The following SELENOP variants were observed in gnomAD, a reference collection of about 807,000 sequenced individuals.
The protein encoded by SELENOP is selenoprotein P, also known as selenoprotein P, plasma, 1.
SELENOP carries 36 observed loss-of-function variants against 41.0 expected under a neutral mutation model. The ratio of observed to expected loss-of-function variants is 0.88; its 90% confidence interval spans 0.67 to 1.16. The LOEUF is 1.16. Ranked by LOEUF, SELENOP falls within the 50% of genes most tolerant of loss-of-function variation. The probability of loss-of-function intolerance (pLI) is 0.00; values close to 1 mark genes in which losing one functional copy is unlikely to be tolerated. For synonymous variants in SELENOP, 144 were observed against 150.8 expected, an observed-to-expected ratio of 0.95 and a Z score of 0.33; for missense variants, 440 against 454.2, an observed-to-expected ratio of 0.97 and a Z score of 0.28.
intron 4 of SELENOP, among the ~76,000 whole-genome samples, chr5:42,802,520 A>G (rs1032454036): frequency 6.6e-6 from 1 of 152,240 alleles, no homozygotes; most frequent in African/African-American, 2.4e-5. Context: ...CTTATAAAGA[A>G]TTTGATACAT....
At chr5:42,810,217 G>A (rs1018177214) in intron 1 of SELENOP, among the ~76,000 whole-genome samples, 7 of 152,162 alleles carry the variant, frequency 4.6e-5, no homozygotes, top group Non-Finnish European at 1.0e-4. Context: ...CTTAGCTACT[G>A]CAATATATTG....
rs749874692 is a variant in SELENOP, at chr5:42,808,263, G to T, written c.91C>A (p.Pro31Thr). The T allele has an allele frequency of 3.2e-6, 5 of 1,570,680 alleles. No individual in the cohort carries two copies. Among genetic ancestry groups the T allele is most frequent in the East Asian group, 2.4e-5 (1 of 41,730 alleles). Residue 31 changes from proline (P) to threonine (T), a missense_variant, in exon 2 of 5, where the codon CCC becomes ACC. Transcript: ENST00000514985. ...TGATCTCTTATGCTCCAGGCTGGGGGTTGCTTACATAAGGAGCTTTGGTCC... is the reference window on the plus strand; with the variant it reads ...TGATCTCTTATGCTCCAGGCTGGGGTTTGCTTACATAAGGAGCTTTGGTCC... ...SQDQSSLCKQ[P>T]PAWSIRDQDP...
chr5:42,801,085 G>T lies in SELENOP; in HGVS notation c.781C>A (p.Arg261=), dbSNP rs756131447. 3.0e-5 allele frequency: 49 copies of T among 1,613,962 alleles called. No individual in the cohort carries two copies. The Admixed American group carries it at 7.8e-4, about 26-fold the overall frequency. ...AAATCTTCACTTGCTGGCATATCTC[G>T]GTTCTCTGGGTGACCCTGCCTATGC... ...GQHRQGHPEN[R]DMPASEDLQD... Residue 261 remains arginine, a synonymous_variant, in exon 5 of 5, where the codon CGA becomes AGA. Coordinates refer to ENST00000514985, the MANE Select transcript of SELENOP (RefSeq NM_005410.4).
chr5:42,808,238 T>C lies in SELENOP; in HGVS notation c.116A>G (p.Gln39Arg). The change falls in exon 2 of 5, where the codon CAA becomes CGA. Residue 39 changes from glutamine to arginine, a missense_variant. By Grantham distance (43) the Gln-to-Arg change is conservative. Coordinates refer to ENST00000514985, the MANE Select transcript of SELENOP (RefSeq NM_005410.4). ...ACCATTGGAGTTTAGCATTGGATCT[T>C]GATCTCTTATGCTCCAGGCTGGGGG... is the stretch of plus-strand genomic sequence containing the variant. ...KQPPAWSIRD[Q>R]DPMLNSNGSV... The C allele has an allele frequency of 6.3e-7, 1 of 1,580,690 alleles. No individual in the cohort carries two copies.
intron 4 of SELENOP, 64 bp downstream of exon 4, chr5:42,804,592 G>T (rs755935184): frequency 1.1e-6 from 1 of 898,360 alleles, no homozygotes; most frequent in Non-Finnish European, 1.7e-6. Context: ...CTAAATAAGT[G>T]TTTCATGATA....
chr5:42,801,554 A>C, intron 4 of SELENOP: 1 of 465,622 alleles, frequency 2.1e-6, no homozygotes, highest in Non-Finnish European at 3.7e-6. Flanking sequence ...TATTTGCAGA[A>C]GCAAATGAAG....
intron 2 of SELENOP, 62 bp downstream of exon 2, chr5:42,808,089 G>T: frequency 1.3e-6 from 1 of 765,252 alleles, no homozygotes; most frequent in South Asian, 3.1e-5. Context: ...ATGTCTATAT[G>T]CGTGTGTGTA....
chr5:42,807,628 C>T (rs1438003297), intron 2 of SELENOP: 3 of 154,990 alleles, frequency 1.9e-5, no homozygotes, highest in Non-Finnish European at 4.4e-5. Flanking sequence ...GATTTGAGCT[C>T]CATGGATTTT....
chr5:42,800,785 T>C lies in SELENOP; in HGVS notation c.1081A>G (p.Thr361Ala), dbSNP rs760986023. The change falls in exon 5 of 5, where the codon ACA becomes GCA. Residue 361 changes from threonine (T) to alanine (A), a missense_variant. Physicochemically the swap from Thr to Ala is moderately conservative, Grantham distance 58 (BLOSUM62 0). Transcript: ENST00000514985. ...CAGCGTCAACTGGCACTGGCTTCTGTGGGTATAAGCTGCTGACTTATTTGT... is the reference window on the plus strand; with the variant it reads ...CAGCGTCAACTGGCACTGGCTTCTGCGGGTATAAGCTGCTGACTTATTTGT... The part of the protein sequence containing the change: ...AUQISQQLIP[T>A]EASASURUKN... The C allele has an allele frequency of 5.1e-5, 82 of 1,613,822 alleles. No individual in the cohort carries two copies. The highest frequency in any genetic ancestry group is 6.9e-5 in the Non-Finnish European group (82 of 1,179,856).
chr5:42,811,644 C>T (rs545651094), intron 1 of SELENOP, among the ~76,000 whole-genome samples, 192 bp downstream of exon 1: 1 of 152,300 alleles, frequency 6.6e-6, no homozygotes, highest in South Asian at 2.1e-4. Flanking sequence ...GACAAATGTG[C>T]GCACTGGGAA....
intron 1 of SELENOP, among the ~76,000 whole-genome samples, chr5:42,808,754 CAA>C (rs771818679): frequency 1.6e-4 from 18 of 115,130 alleles, no homozygotes; most frequent in African/African-American, 2.9e-4. Flanking sequence ...TAAAATTATA[CAA>C]AAAAAAAAAA....
Position 42,808,157 on chromosome 5 carries a change from G to C in SELENOP, c.197C>G (p.Ala66Gly). Reference sequence around the variant, plus strand: ...CACAGAAAGACTGTCTTACTTAGATGCCTGCAGTATGCACAGGTATCAGCT... The same window carrying C: ...CACAGAAAGACTGTCTTACTTAGATCCCTGCAGTATGCACAGGTATCAGCT... Reference protein sequence around the residue: ...QASUYLCILQASKLEDLRVKL... With the variant: ...QASUYLCILQGSKLEDLRVKL... The change falls in exon 2 of 5, where the codon GCA becomes GGA. Residue 66 changes from alanine to glycine, a missense_variant. By Grantham distance (60) the Ala-to-Gly change is moderately conservative. Transcript: ENST00000514985. The C allele has an allele frequency of 2.7e-6, 4 of 1,507,956 alleles. No individual in the cohort carries two copies. Among genetic ancestry groups the C allele is most frequent in the Non-Finnish European group, 3.5e-6 (4 of 1,127,094 alleles). The allele number at this position is 1,507,956 out of a possible 1,614,324, so 93.4% of individuals were successfully genotyped here.
intron 3 of SELENOP, 121 bp from the exon 4 acceptor site, chr5:42,804,894 T>C: frequency 1.8e-6 from 1 of 563,220 alleles, no homozygotes; most frequent in Non-Finnish European, 3.0e-6. Flanking sequence ...TTCACGCCTT[T>C]ACTAAATTTC....
At chr5:42,810,341 G>T (rs977944942) in intron 1 of SELENOP, among the ~76,000 whole-genome samples, 5 of 152,292 alleles carry the variant, frequency 3.3e-5, no homozygotes, top group African/African-American at 1.2e-4. Flanking sequence ...TTTCTTAATA[G>T]AAAGGCTAGG....
In SELENOP at chr5:42,801,009, AGT is replaced by A; in HGVS notation, c.855_856del (p.Leu285PhefsTer?). On this transcript the variant is annotated frameshift_variant, in exon 5 of 5. Transcript: ENST00000514985. LOFTEE classifies it high-confidence loss of function. ...CTCTGAATCTGTGGGCAATTTACAGAGTAATTGATTTATACATCTCTTTCGAC... is the reference window on the plus strand; with the variant it reads ...CTCTGAATCTGTGGGCAATTTACAGAAATTGATTTATACATCTCTTTCGAC... The A allele has an allele frequency of 6.2e-7, 1 of 1,614,198 alleles. No homozygotes were observed. Among genetic ancestry groups the A allele is most frequent in the South Asian group, 1.1e-5 (1 of 91,086 alleles).
intron 3 of SELENOP, chr5:42,805,504 T>C (rs530070651): frequency 6.6e-6 from 1 of 152,306 alleles, no homozygotes; most frequent in East Asian, 1.9e-4. Context: ...AAGCACCAAC[T>C]AAGAATGTTT....
chr5:42,804,960 G>T, intron 3 of SELENOP, 187 bp from the exon 4 acceptor site: 1 of 406,058 alleles, frequency 2.5e-6, no homozygotes. Context: ...TCAGGTCATA[G>T]CAACACTATA....
chr5:42,800,292 A>G lies in SELENOP; in HGVS notation c.*428T>C, dbSNP rs1385062684. On this transcript the variant is annotated 3_prime_UTR_variant, in exon 5 of 5. Transcript: ENST00000514985. ...TTAAAATACAAAATCCACTTATTTT[A>G]TTAGTTAAAAGTAGAAGATTGAAAA... 6.3e-6 allele frequency: 1 copy of G among 157,600 alleles called. No homozygotes were observed. Among genetic ancestry groups the G allele is most frequent in the African/African-American group, 2.4e-5 (1 of 41,596 alleles). The allele number at this position is 157,600 out of a possible 1,614,324, so 9.8% of individuals were successfully genotyped here. A position where few individuals can be genotyped will look rare whatever the true frequency, so the allele number is the denominator to read the frequency against.
chr5:42,806,843 G>T, intron 3 of SELENOP, 53 bp downstream of exon 3: 1 of 1,001,944 alleles, frequency 1.0e-6, no homozygotes, highest in Non-Finnish European at 1.5e-6. Flanking sequence ...TAAATAAATA[G>T]ATACGAAACA....
Sources: allele counts gnomAD v4.1 joint callset (sites outside exome capture counted in the v4.1 genomes callset), GRCh38; gene constraint gnomAD v4.1.1; transcripts MANE v1.5; gene names NCBI Gene and HGNC (gene_info 2026-07-23, HGNC 2026-07-21).